Variants in STMN2 observed in about 807,000 individuals in gnomAD.
The protein encoded by STMN2 is stathmin 2, also known as stathmin-2.
Under a neutral mutation model 24.1 loss-of-function variants are expected in STMN2, and 2 were observed. The ratio of observed to expected loss-of-function variants is 0.08; its 90% CI spans 0.03 to 0.26. The LOEUF is 0.26. Ranked by LOEUF, STMN2 falls within the 10% of genes least tolerant of loss-of-function variation. The pLI is 1.00. For missense variants in STMN2, 114 were observed against 213.6 expected, an observed-to-expected ratio of 0.53 and a Z score of 2.91; for synonymous variants, 83 against 77.5, an observed-to-expected ratio of 1.07 and a Z score of -0.37.
chr8:79,664,683 A>C, intron 4 of STMN2, 132 bp from the exon 5 acceptor site: 2 of 583,236 alleles, frequency 3.4e-6, no homozygotes, highest in Non-Finnish European at 5.6e-6. Context: ...CAGGGCCCAT[A>C]TTTTCCTTCT....
chr8:79,658,862 A>C (rs903611464), intron 4 of STMN2, among the ~76,000 whole-genome samples: 5 of 152,246 alleles, frequency 3.3e-5, no homozygotes, highest in Non-Finnish European at 4.4e-5. Context: ...GCCTAAAGCA[A>C]AAGCAGCCCT....
intron 4 of STMN2, among the ~76,000 whole-genome samples, chr8:79,659,934 C>G (rs1185683770): frequency 6.6e-6 from 1 of 152,170 alleles, no homozygotes; most frequent in Non-Finnish European, 1.5e-5. Context: ...CCAGTATCTA[C>G]TAAATACTTC....
chr8:79,611,757 A>G lies in STMN2; in HGVS notation c.19+543A>G, dbSNP rs114994285. On this transcript the variant is annotated intron_variant, in intron 1 of 4. Coordinates refer to ENST00000220876, the MANE Select transcript of STMN2 (RefSeq NM_007029.4). ...CACATTTTACGGTATTGTCTCGTCG[A>G]AGAAACCGCTAGTCCTGGGGTGCGG... The G allele has an allele frequency of 4.5e-3, 4,470 of 983,532 alleles. 177 individuals are homozygous for G. In the African/African-American group the frequency reaches 0.074, roughly 16 times the overall value. 60.9% of individuals were successfully genotyped at this position (983,532 alleles called of 1,614,324 possible). A position where few individuals can be genotyped will look rare whatever the true frequency, so the allele number is the denominator to read the frequency against.
chr8:79,643,229 T>C (rs1810148918), intron 3 of STMN2, among the ~76,000 whole-genome samples: 1 of 89,780 alleles, frequency 1.1e-5, no homozygotes, highest in Non-Finnish European at 2.5e-5. Flanking sequence ...CTAACTCGAC[T>C]ATATATATAT....
chr8:79,630,282 G>T (rs1456201860), intron 1 of STMN2, among the ~76,000 whole-genome samples: 2 of 151,504 alleles, frequency 1.3e-5, no homozygotes, highest in Admixed American at 1.3e-4. Context: ...TTTTTATTTT[G>T]CAGTGTGATA....
intron 1 of STMN2, among the ~76,000 whole-genome samples, chr8:79,624,479 GA>G (rs1411947488): frequency 2.9e-5 from 3 of 103,458 alleles, no homozygotes; most frequent in Non-Finnish European, 6.6e-5. Flanking sequence ...AAAAAAAAAA[GA>G]AAGAAAGAAA....
intron 1 of STMN2, among the ~76,000 whole-genome samples, chr8:79,635,279 G>T (rs574565137): frequency 6.6e-6 from 1 of 152,178 alleles, no homozygotes; most frequent in Non-Finnish European, 1.5e-5. Context: ...GGGTTGCAAC[G>T]GAGGGAAGGA....
chr8:79,624,453 C>CAAAAAAAAAAAAAAAAAAAAAAAAAA (rs1011493193), intron 1 of STMN2, among the ~76,000 whole-genome samples: 1 of 45,132 alleles, frequency 2.2e-5, no homozygotes. Flanking sequence ...GACTCCGTCT[C>CAAAAAAAAAAAAAAAAAAAAAAAAAA]AAAAAAAAAA....
intron 1 of STMN2, among the ~76,000 whole-genome samples, chr8:79,618,022 C>T (rs1809423475): frequency 6.6e-6 from 1 of 152,244 alleles, no homozygotes; most frequent in African/African-American, 2.4e-5. Context: ...GGGCCCAGGC[C>T]ATCTGGCTTC....
At chr8:79,624,517 T>C (rs1267471087) in intron 1 of STMN2, among the ~76,000 whole-genome samples, 4 of 135,738 alleles carry the variant, frequency 2.9e-5, no homozygotes, top group Non-Finnish European at 6.4e-5. Context: ...TTGAAAAGAA[T>C]ACTGGACTTT....
intron 2 of STMN2, among the ~76,000 whole-genome samples, chr8:79,641,058 A>G (rs929246435): frequency 1.3e-5 from 2 of 152,354 alleles, no homozygotes; most frequent in East Asian, 1.9e-4. Flanking sequence ...ATATTTGTTC[A>G]AAAGGAAAAT....
chr8:79,658,487 C>T (rs1479012736), intron 4 of STMN2, among the ~76,000 whole-genome samples: 1 of 152,090 alleles, frequency 6.6e-6, no homozygotes, highest in African/African-American at 2.4e-5. Flanking sequence ...ATAGCACCAA[C>T]AATTAGAGAA....
intron 3 of STMN2, among the ~76,000 whole-genome samples, chr8:79,643,486 G>A (rs983961515): frequency 6.6e-6 from 1 of 152,022 alleles, no homozygotes; most frequent in African/African-American, 2.4e-5. Context: ...CATATATTGA[G>A]ATGCTATGAC....
intron 1 of STMN2, among the ~76,000 whole-genome samples, chr8:79,627,898 C>T (rs1809696743): frequency 6.6e-6 from 1 of 152,136 alleles, no homozygotes; most frequent in South Asian, 2.1e-4. Flanking sequence ...GACATAATGT[C>T]CTTCAGGCTT....
At chr8:79,611,341 G>A (rs1809214910) in intron 1 of STMN2, 127 bp downstream of exon 1, 2 of 1,277,046 alleles carry the variant, frequency 1.6e-6, no homozygotes, top group African/African-American at 2.9e-5. Context: ...CACAGGACCA[G>A]GAAGGACAGG....
intron 3 of STMN2, among the ~76,000 whole-genome samples, chr8:79,651,611 A>T (rs1810335062): frequency 6.6e-6 from 1 of 152,240 alleles, no homozygotes; most frequent in African/African-American, 2.4e-5. Context: ...TCTTTCACAA[A>T]GGAAAATTAA....
At chr8:79,655,164 C>G in intron 4 of STMN2, 102 bp downstream of exon 4, 3 of 1,395,962 alleles carry the variant, frequency 2.1e-6, no homozygotes, top group Non-Finnish European at 2.9e-6. Flanking sequence ...AAATTTGCTG[C>G]AGGTGTGAGG....
chr8:79,613,909 C>A, intron 1 of STMN2: 1 of 852,020 alleles, frequency 1.2e-6, no homozygotes, highest in African/African-American at 1.8e-5. Context: ...GGAAAATTCT[C>A]TGCAAAGAAT....
At chr8:79,612,829 G>A (rs2130286343) in intron 1 of STMN2, among the ~76,000 whole-genome samples, 1 of 152,218 alleles carries the variant, frequency 6.6e-6, no homozygotes, top group East Asian at 1.9e-4. Flanking sequence ...GACTGGCGGG[G>A]AAGAGGAATA....
Sources: gnomAD v4.1 joint callset for allele counts (sites outside exome capture counted in the v4.1 genomes callset) on GRCh38, gnomAD v4.1.1 for gene constraint, MANE v1.5 for transcripts, NCBI Gene and HGNC (gene_info 2026-07-23, HGNC 2026-07-21) for gene names.